The following ULK1 variants were observed in gnomAD, a reference collection of about 807,000 sequenced individuals.
ULK1 encodes unc-51 like autophagy activating kinase 1.
In ULK1, 48 loss-of-function variants were observed where a neutral mutation model predicts 117.5. The observed-to-expected ratio is 0.41, with a 90% confidence interval of 0.32 to 0.52. ULK1 has a LOEUF of 0.52. Ranked by LOEUF, ULK1 falls within the 20% of genes least tolerant of loss-of-function variation. The probability of loss-of-function intolerance (pLI) is 0.29; values close to 1 mark genes in which losing one functional copy is unlikely to be tolerated. For missense variants in ULK1, 1,387 were observed against 1,473.4 expected, an observed-to-expected ratio of 0.94 and a Z score of 0.96; for synonymous variants, 790 against 637.8, an observed-to-expected ratio of 1.24 and a Z score of -3.60.
rs781259690 is a variant in ULK1 at position 131,909,985 on chromosome 12, G to A, written c.792G>A (p.Lys264=). 2 of 1,611,864 alleles carry A rather than the reference G, an allele frequency of 1.2e-6. No homozygotes were observed. The highest frequency in any genetic ancestry group is 2.7e-5 in the African/African-American group (2 of 74,930). Residue 264 remains lysine (K), a synonymous_variant, in exon 10 of 28, where the codon AAG becomes AAA. Coordinates refer to ENST00000321867, the MANE Select transcript of ULK1 (RefSeq NM_003565.4). The part of the protein sequence containing the change: ...LLLALLQRNH[K]DRMDFDEFFH... ...TGGCCCTACTGCAACGCAACCACAA[G>A]GACCGCATGGACTTCGGTGAGCACC...
chr12:131,910,192 G>A (rs1451506951), intron 10 of ULK1, 62 bp from the exon 11 acceptor site: 1 of 1,604,848 alleles, frequency 6.2e-7, no homozygotes, highest in East Asian at 2.2e-5. Flanking sequence ...GCCGTGGGGA[G>A]GCAGGGGCCT....
intron 1 of ULK1, 75 bp downstream of exon 1, chr12:131,895,187 C>T: frequency 8.6e-7 from 1 of 1,163,094 alleles, no homozygotes; most frequent in South Asian, 1.6e-5. Flanking sequence ...AGATTCCCCG[C>T]CTGTCCCGGG....
At chr12:131,920,184 G>GC (rs1309685742) in intron 26 of ULK1, 48 bp downstream of exon 26, 1 of 1,591,094 alleles carries the variant, frequency 6.3e-7, no homozygotes, top group Middle Eastern at 1.7e-4. Context: ...GAACTTCCAG[G>GC]CCCGCCGTCT....
At chr12:131,919,797 GTGGGGTCGGATGGCACCCGGGACA>G in intron 25 of ULK1, 158 bp from the exon 26 acceptor site, 1 of 1,059,628 alleles carries the variant, frequency 9.4e-7, no homozygotes, top group Non-Finnish European at 1.3e-6. Context: ...CACAGAGGCC[GTGGGGTCGGATGGCACCCGGGACA>G]AGGTGCGGAG....
In ULK1 at chr12:131,902,972, T is replaced by A. The variant is rs1889144370; in HGVS notation, c.247-3920T>A. Among the ~76,000 whole-genome samples the A allele has an allele frequency of 6.6e-6, 1 of 151,948 alleles. No individual in the cohort carries two copies. The highest frequency in any genetic ancestry group is 2.4e-5 in the African/African-American group (1 of 41,352). Reference sequence around the variant, plus strand: ...GCTGCGAGGCAGACGTGGAGCCCGATGCCCTGTGTGGGTTCTGCAAGGCAG... The same window carrying A: ...GCTGCGAGGCAGACGTGGAGCCCGAAGCCCTGTGTGGGTTCTGCAAGGCAG... On this transcript the variant is annotated intron_variant, in intron 3 of 27. Transcript: ENST00000321867. The surrounding 1 kb of genome is among the most constrained non-coding windows in gnomAD (Gnocchi z 6.3).
At chr12:131,913,885 G>T in intron 15 of ULK1, 49 bp downstream of exon 15, 2 of 1,413,246 alleles carry the variant, frequency 1.4e-6, no homozygotes, top group Non-Finnish European at 9.3e-7. Flanking sequence ...CAGTCCCCCG[G>T]CTGGAGGTTG....
Position 131,920,162 on chromosome 12 carries a change from G to A in ULK1, c.2961+26G>A, listed in dbSNP as rs746734352. ...GTACGGGACAGACAGACACCAGTGG[G>A]GCAGGGGCCAGGAACTTCCAGGCCC... On this transcript the variant is annotated intron_variant, in intron 26 of 27. Coordinates refer to ENST00000321867, the MANE Select transcript of ULK1 (RefSeq NM_003565.4). 12 of 1,602,476 alleles carry A rather than the reference G, an allele frequency of 7.5e-6. No homozygotes were observed. In the Admixed American group the frequency reaches 1.7e-4, roughly 22 times the overall value.
intron 16 of ULK1, 134 bp from the exon 17 acceptor site, chr12:131,914,949 A>C: frequency 7.5e-7 from 1 of 1,334,618 alleles, no homozygotes. Flanking sequence ...CACTGTAGCC[A>C]CTTGGCGTGG....
chr12:131,916,265 C>T (rs1307233993), intron 19 of ULK1, 106 bp downstream of exon 19: 7 of 1,520,650 alleles, frequency 4.6e-6, no homozygotes, highest in African/African-American at 4.2e-5. Context: ...TACCTTTTGA[C>T]CCCCGCCTGG....
rs1889322422 is a variant in ULK1 at position 131,907,497 on chromosome 12, C to T, written c.282C>T (p.Tyr94=). Residue 94 remains tyrosine (Y), a splice_region_variant and synonymous_variant, in exon 5 of 28, where the codon TAC becomes TAT. Transcript: ENST00000321867. ...MANSVYLVME[Y]CNGGDLADYL... ...GATGCGTGTCTGGTCTCTTGCAGTACTGCAACGGTGGGGACCTGGCCGACT... is the reference window on the plus strand; with the variant it reads ...GATGCGTGTCTGGTCTCTTGCAGTATTGCAACGGTGGGGACCTGGCCGACT... The T allele has an allele frequency of 6.2e-7, 1 of 1,612,680 alleles. No individual in the cohort carries two copies. Among genetic ancestry groups the T allele is most frequent in the Admixed American group, 1.7e-5 (1 of 59,966 alleles).
chr12:131,913,884 G>A lies in ULK1; in HGVS notation c.1247+48G>A, dbSNP rs373121727. ...TGGATGGGGCTGTGAACAGTCCCCC[G>A]GCTGGAGGTTGGGCTTCCTGTGTGT... On this transcript the variant is annotated intron_variant, in intron 15 of 27. Transcript: ENST00000321867. The A allele has an allele frequency of 1.8e-4, 253 of 1,415,998 alleles. No individual in the cohort carries two copies. In the African/African-American group the frequency reaches 2.0e-3, roughly 11 times the overall value. 87.7% of individuals were successfully genotyped at this position (1,415,998 alleles called of 1,614,324 possible). A position where few individuals can be genotyped will look rare whatever the true frequency, so the allele number is the denominator to read the frequency against.
Position 131,907,504 on chromosome 12 carries a change from G to C in ULK1, c.289G>C (p.Gly97Arg), listed in dbSNP as rs772720707. The C allele has an allele frequency of 1.2e-6, 2 of 1,612,714 alleles. No individual in the cohort carries two copies. Among genetic ancestry groups the C allele is most frequent in the East Asian group, 4.5e-5 (2 of 44,850 alleles). The change falls in exon 5 of 28, where the codon GGT becomes CGT. Residue 97 changes from glycine (G) to arginine (R), a missense_variant. Gly to Arg is a moderately radical substitution (Grantham distance 125, BLOSUM62 -2). Coordinates refer to ENST00000321867, the MANE Select transcript of ULK1 (RefSeq NM_003565.4). ...GTCTGGTCTCTTGCAGTACTGCAAC[G>C]GTGGGGACCTGGCCGACTACCTGCA... ...SVYLVMEYCN[G>R]GDLADYLHAM...
intron 18 of ULK1, 90 bp from the exon 19 acceptor site, chr12:131,915,801 G>A (rs1034084790): frequency 8.6e-5 from 132 of 1,529,560 alleles, no homozygotes; most frequent in African/African-American, 3.0e-4. Flanking sequence ...CTTGGAGTGC[G>A]TCTACCCCAA....
chr12:131,918,746 C>CGTGTGTGTGGGGTATA (rs1889980837), intron 23 of ULK1, 65 bp downstream of exon 23: 1 of 441,938 alleles, frequency 2.3e-6, no homozygotes, highest in Admixed American at 6.4e-5. Context: ...TGTGGGGTGT[C>CGTGTGTGTGGGGTATA]GGGTGTGTGG....
intron 22 of ULK1, among the ~76,000 whole-genome samples, chr12:131,917,835 G>C (rs1299327704): frequency 6.6e-6 from 1 of 152,224 alleles, no homozygotes; most frequent in Non-Finnish European, 1.5e-5. Flanking sequence ...AGCAGGGACG[G>C]TGTCTGGATC....
chr12:131,917,700 A>G, intron 22 of ULK1, 146 bp downstream of exon 22: 2 of 831,112 alleles, frequency 2.4e-6, no homozygotes, highest in Non-Finnish European at 3.2e-6. Flanking sequence ...CCCCTGAGAA[A>G]CCCCTGCTCT....
At chr12:131,909,294 C>A in intron 8 of ULK1, 57 bp downstream of exon 8, 1 of 1,499,438 alleles carries the variant, frequency 6.7e-7, no homozygotes, top group South Asian at 1.3e-5. Flanking sequence ...TGTCCGCCAG[C>A]TGCGGTCAGA....
intron 11 of ULK1, 123 bp from the exon 12 acceptor site, chr12:131,910,589 G>C (rs1313186985): frequency 1.0e-5 from 16 of 1,596,000 alleles, no homozygotes; most frequent in Non-Finnish European, 1.2e-5. Context: ...CCTCCTTCCT[G>C]CTGGTCGGGG....
chr12:131,921,995 C>T lies in ULK1; in HGVS notation c.*634C>T, dbSNP rs1274828475. ...CACGTTGCTGCCCAGGTCTGGACCTCAGCGGGAGAACTGGCTCCGGGGGGA... is the reference window on the plus strand; with the variant it reads ...CACGTTGCTGCCCAGGTCTGGACCTTAGCGGGAGAACTGGCTCCGGGGGGA... On this transcript the variant is annotated 3_prime_UTR_variant, in exon 28 of 28. Transcript: ENST00000321867. 2.2e-6 allele frequency: 1 copy of T among 455,274 alleles called. No homozygotes were observed. The highest frequency in any genetic ancestry group is 7.0e-5 in the East Asian group (1 of 14,358). The allele number at this position is 455,274 out of a possible 1,614,324, so 28.2% of individuals were successfully genotyped here. A position where few individuals can be genotyped will look rare whatever the true frequency, so the allele number is the denominator to read the frequency against.
Sources: allele counts gnomAD v4.1 joint callset (sites outside exome capture counted in the v4.1 genomes callset), GRCh38; gene constraint gnomAD v4.1.1; non-coding constraint Gnocchi (gnomAD v3.1); transcripts MANE v1.5; gene names NCBI Gene and HGNC (gene_info 2026-07-23, HGNC 2026-07-21).